IGSF9B: variants seen among roughly 807,000 people sequenced by gnomAD.
The protein encoded by IGSF9B is immunoglobulin superfamily member 9B.
A neutral mutation model predicts 143.7 loss-of-function variants in IGSF9B; 48 were observed. That is an observed-to-expected ratio of 0.33 (90% confidence interval 0.26 to 0.42). IGSF9B has a LOEUF of 0.42. IGSF9B is among the 20% of genes least tolerant of loss of function. The pLI is 1.00. For missense variants in IGSF9B, 1,706 were observed against 1,980.0 expected, an observed-to-expected ratio of 0.86 and a Z score of 2.63; for synonymous variants, 903 against 833.1, an observed-to-expected ratio of 1.08 and a Z score of -1.44.
chr11:133,919,995 C>T lies in IGSF9B; in HGVS notation c.3730G>A (p.Ala1244Thr). Residue 1244 changes from alanine (A) to threonine (T), a missense_variant, in exon 18 of 20, where the codon GCA becomes ACA. By Grantham distance (58) the Ala-to-Thr change is moderately conservative. This residue lies in a region of IGSF9B where 880 missense variants were observed against 762.9 expected (regional missense o/e 1.15). Coordinates refer to ENST00000533871, the MANE Select transcript of IGSF9B (RefSeq NM_001277285.4). ...GTAGACTTTCGAGAAAAGCTGACTGCAGCCGGCGGCTGCAGGGTGATCTCT... is the reference window on the plus strand; with the variant it reads ...GTAGACTTTCGAGAAAAGCTGACTGTAGCCGGCGGCTGCAGGGTGATCTCT... ...MSEITLQPPA[A>T]VSFSRKSTPS... The T allele has an allele frequency of 1.3e-6, 2 of 1,581,456 alleles. No individual in the cohort carries two copies. The highest frequency in any genetic ancestry group is 8.6e-7 in the Non-Finnish European group (1 of 1,163,562).
intron 18 of IGSF9B, among the ~76,000 whole-genome samples, chr11:133,914,535 G>A (rs1448226257): frequency 1.3e-5 from 2 of 152,162 alleles, no homozygotes; most frequent in African/African-American, 4.8e-5. Context: ...AAAATTCCCA[G>A]ACAGTAATGA....
chr11:133,937,410 C>T lies in IGSF9B; in HGVS notation c.645G>A (p.Gly215=). The T allele has an allele frequency of 6.2e-7, 1 of 1,613,458 alleles. No homozygotes were observed. The highest frequency in any genetic ancestry group is 2.2e-5 in the East Asian group (1 of 44,870). The part of the protein sequence containing the change: ...AYTCRAYSIQ[G]EAVHTTHLLV... ...GCAGGTGAGTCGTGTGGACAGCCTC[C>T]CCCTGAATGCTGTACGCTCGGCAGG... Residue 215 remains glycine, a synonymous_variant, in exon 5 of 20, where the codon GGG becomes GGA. Coordinates refer to ENST00000533871, the MANE Select transcript of IGSF9B (RefSeq NM_001277285.4).
At chr11:133,944,969 G>A (rs1940020190) in intron 2 of IGSF9B, among the ~76,000 whole-genome samples, 1 of 152,120 alleles carries the variant, frequency 6.6e-6, no homozygotes, top group Non-Finnish European at 1.5e-5. Context: ...GACCCCAGGA[G>A]ATGAGGGCAG....
chr11:133,904,534 G>T lies in IGSF9B; in HGVS notation c.*4535C>A, dbSNP rs377149679. Among the ~76,000 whole-genome samples, 10 of 151,796 alleles carry T rather than the reference G, an allele frequency of 6.6e-5. No homozygotes were observed. Among genetic ancestry groups the T allele is most frequent in the African/African-American group, 2.4e-4 (10 of 41,320 alleles). On this transcript the variant is annotated 3_prime_UTR_variant, in exon 20 of 20. Transcript: ENST00000533871. Reference sequence around the variant, plus strand: ...CATGCAGGACCCCACCCCACAATCCGTCCCTGATGCCCAGATCCCCCTCCC... The same window carrying T: ...CATGCAGGACCCCACCCCACAATCCTTCCCTGATGCCCAGATCCCCCTCCC...
intron 15 of IGSF9B, among the ~76,000 whole-genome samples, chr11:133,923,775 A>G (rs1939580994): frequency 1.3e-5 from 2 of 152,238 alleles, no homozygotes; most frequent in South Asian, 4.1e-4. Context: ...GTGTCTGACG[A>G]GGCACATTTC....
intron 12 of IGSF9B, among the ~76,000 whole-genome samples, chr11:133,927,749 G>A (rs578009546): frequency 9.2e-5 from 14 of 152,294 alleles, no homozygotes; most frequent in South Asian, 8.3e-4. Flanking sequence ...CAGCAAAGCC[G>A]GAGGGCTATG....
At position 133,931,204 on chromosome 11, in the gene IGSF9B, T is replaced by C. The variant is rs1014291962; in HGVS notation, c.1369-70A>G. 146 of 1,500,192 alleles carry C rather than the reference T, an allele frequency of 9.7e-5. 1 individual carries two copies. Among genetic ancestry groups the C allele is most frequent in the East Asian group, 1.8e-4 (8 of 43,736 alleles). 92.9% of individuals were successfully genotyped at this position (1,500,192 alleles called of 1,614,324 possible). A position where few individuals can be genotyped will look rare whatever the true frequency, so the allele number is the denominator to read the frequency against. ...GGTTAGGAGAGAAGCCCGAAGCAGA[T>C]GGGGAGGACGCGCCTGAGACCCCGG... is the stretch of plus-strand genomic sequence containing the variant. On this transcript the variant is annotated intron_variant, in intron 10 of 19. Transcript: ENST00000533871. This position sits in a 1 kb window ranked among gnomAD's most constrained non-coding sequence, Gnocchi z 7.7.
Position 133,956,719 on chromosome 11 carries a change from C to T in IGSF9B, c.36G>A (p.Val12=). ...IWYVATFIAS[V]IGTRGLAAEG... ...CAGCCGCAAGCCCTCGGGTGCCGAT[C>T]ACACTTGCTATGAAAGTGGCCACAT... The change falls in exon 1 of 20, where the codon GTG becomes GTA. Residue 12 remains valine, a synonymous_variant. Coordinates refer to ENST00000533871, the MANE Select transcript of IGSF9B (RefSeq NM_001277285.4). The T allele has an allele frequency of 6.5e-7, 1 of 1,548,232 alleles. No homozygotes were observed.
At chr11:133,946,396 T>TGTG in intron 1 of IGSF9B, 138 bp from the exon 2 acceptor site, 1 of 691,832 alleles carries the variant, frequency 1.4e-6, no homozygotes, top group Non-Finnish European at 2.5e-6. Flanking sequence ...CCCAGGAGGG[T>TGTG]CCCAGGCACA....
At chr11:133,943,715 T>C (rs1286606287) in intron 3 of IGSF9B, among the ~76,000 whole-genome samples, 1 of 152,190 alleles carries the variant, frequency 6.6e-6, no homozygotes, top group Non-Finnish European at 1.5e-5. Context: ...TTGCCAGTGT[T>C]TATCCATCAT....
At chr11:133,946,586 C>A (rs1035969682) in intron 1 of IGSF9B, among the ~76,000 whole-genome samples, 1 of 152,214 alleles carries the variant, frequency 6.6e-6, no homozygotes. Flanking sequence ...AGCCCCACCC[C>A]CTGCTGGCAT....
At position 133,906,681 on chromosome 11, in the gene IGSF9B, T is replaced by A. The variant is rs1170808447; in HGVS notation, c.*2388A>T. ...AAGCCTTCTACCTCATCATCTCCTC[T>A]TCTTTTCTAACCTGAGGGCTGGAAT... On this transcript the variant is annotated 3_prime_UTR_variant, in exon 20 of 20. Coordinates refer to ENST00000533871, the MANE Select transcript of IGSF9B (RefSeq NM_001277285.4). 6.6e-6 allele frequency among the ~76,000 whole-genome samples: 1 copy of A among 152,162 alleles called. No homozygotes were observed. Among genetic ancestry groups the A allele is most frequent in the Non-Finnish European group, 1.5e-5 (1 of 68,028 alleles).
chr11:133,926,777 G>A (rs1008392317), intron 13 of IGSF9B, 139 bp downstream of exon 13: 10 of 654,426 alleles, frequency 1.5e-5, no homozygotes, highest in South Asian at 5.1e-5. Flanking sequence ...AAATCCTCAC[G>A]GGGAGATCAG....
chr11:133,951,119 G>A (rs954618221), intron 1 of IGSF9B, among the ~76,000 whole-genome samples: 30 of 152,174 alleles, frequency 2.0e-4, no homozygotes, highest in Admixed American at 7.2e-4. Flanking sequence ...ACGCCCAGAG[G>A]AAGGCAGGAG....
intron 18 of IGSF9B, among the ~76,000 whole-genome samples, chr11:133,917,925 G>A (rs894396905): frequency 1.3e-5 from 2 of 152,000 alleles, no homozygotes; most frequent in Non-Finnish European, 2.9e-5. Flanking sequence ...GGGCCCCTTC[G>A]GGGTGCATGC....
chr11:133,906,093 A>T lies in IGSF9B; in HGVS notation c.*2976T>A, dbSNP rs1290417602. On this transcript the variant is annotated 3_prime_UTR_variant, in exon 20 of 20. Coordinates refer to ENST00000533871, the MANE Select transcript of IGSF9B (RefSeq NM_001277285.4). ...CAAGGCCGCCAGACCGTAAAAGGGGAAGTTTGGAAGGCGTGATCTCCTACA... is the reference window on the plus strand; with the variant it reads ...CAAGGCCGCCAGACCGTAAAAGGGGTAGTTTGGAAGGCGTGATCTCCTACA... Among the ~76,000 whole-genome samples, 1 of 152,170 alleles carries T rather than the reference A, an allele frequency of 6.6e-6. No homozygotes were observed. Among genetic ancestry groups the T allele is most frequent in the East Asian group, 1.9e-4 (1 of 5,194 alleles).
chr11:133,919,047 TAG>T (rs780225131), intron 18 of IGSF9B: 68 of 495,060 alleles, frequency 1.4e-4, no homozygotes, highest in Admixed American at 2.0e-4. Flanking sequence ...TGCTACAGTT[TAG>T]AGAGTGCTCT....
At chr11:133,947,903 A>ATG (rs1325052493) in intron 1 of IGSF9B, among the ~76,000 whole-genome samples, 1 of 151,356 alleles carries the variant, frequency 6.6e-6, no homozygotes, top group Non-Finnish European at 1.5e-5. Flanking sequence ...CCATTTCTGC[A>ATG]TGTGTCTGTC....
rs757350841 is a variant in IGSF9B, at chr11:133,926,898, C to G, written c.1807+18G>C. ...CCTCTACAACCCCCGCTCCCAACATCCCACCCCGGGCCCTCACCTAAAGTG... is the reference window on the plus strand; with the variant it reads ...CCTCTACAACCCCCGCTCCCAACATGCCACCCCGGGCCCTCACCTAAAGTG... On this transcript the variant is annotated intron_variant, in intron 13 of 19. Coordinates refer to ENST00000533871, the MANE Select transcript of IGSF9B (RefSeq NM_001277285.4). 3 of 1,559,686 alleles carry G rather than the reference C, an allele frequency of 1.9e-6. No individual in the cohort carries two copies. The highest frequency in any genetic ancestry group is 2.6e-6 in the Non-Finnish European group (3 of 1,147,156).
Sources: gnomAD v4.1 joint callset for allele counts (sites outside exome capture counted in the v4.1 genomes callset) on GRCh38, gnomAD v4.1.1 for gene constraint, gnomAD v4.1.1 regional missense constraint, Gnocchi (gnomAD v3.1) non-coding constraint, MANE v1.5 for transcripts, NCBI Gene and HGNC (gene_info 2026-07-23, HGNC 2026-07-21) for gene names.